WNK1: variants seen among roughly 807,000 people sequenced by gnomAD.
WNK1 encodes WNK lysine deficient protein kinase 1.
In WNK1, 38 loss-of-function variants were observed where a neutral mutation model predicts 222.8. That is an observed-to-expected ratio of 0.17 (90% confidence interval 0.13 to 0.22). The LOEUF (loss-of-function observed/expected upper bound fraction) is 0.22, where lower values mean the gene tolerates loss of function less well. WNK1 is among the 10% of genes least tolerant of loss of function. WNK1 has a pLI of 1.00. For missense variants in WNK1, 2,348 were observed against 2,918.4 expected (o/e 0.80, Z 4.50); for synonymous variants, 1,090 against 1,092.9 (o/e 1.00, Z 0.05).
intron 1 of WNK1, among the ~76,000 whole-genome samples, chr12:786,103 A>G (rs1944279638): frequency 1.3e-5 from 2 of 149,798 alleles, no homozygotes; most frequent in East Asian, 1.9e-4. Context: ...TTGAAGTTCT[A>G]TGTTTATTTG....
rs1949674293 is a variant in WNK1 at position 842,136 on chromosome 12, T to G, written c.1311+11976T>G. ...AAAGTAATGTCAAATATAGTCAAAATCAGACATTATGTATATTTGGGAGAG... is the reference window on the plus strand; with the variant it reads ...AAAGTAATGTCAAATATAGTCAAAAGCAGACATTATGTATATTTGGGAGAG... On this transcript the variant is annotated intron_variant, in intron 4 of 27. Transcript: ENST00000315939. 2.0e-5 allele frequency among the ~76,000 whole-genome samples: 3 copies of G among 152,284 alleles called. No homozygotes were observed. The South Asian group carries it at 6.2e-4, about 32-fold the overall frequency.
At chr12:868,383 A>G in intron 8 of WNK1, 2 of 1,613,960 alleles carry the variant, frequency 1.2e-6, no homozygotes, top group Non-Finnish European at 1.7e-6. Context: ...CCTGAACAGA[A>G]GCCAGTACAA....
chr12:808,793 C>T lies in WNK1; in HGVS notation c.760-4849C>T, dbSNP rs1156875515. The stretch of plus-strand genomic sequence containing the variant: ...TTTTTTTTTTTTTGAGAAGGAGTTC[C>T]ACTCTTGTTGCCTAGGCTGGAATGC... On this transcript the variant is annotated intron_variant, in intron 1 of 27. Coordinates refer to ENST00000315939, the MANE Select transcript of WNK1 (RefSeq NM_018979.4). Among the ~76,000 whole-genome samples, 5 of 146,248 alleles carry T rather than the reference C, an allele frequency of 3.4e-5. No homozygotes were observed. In the East Asian group the frequency reaches 1.0e-3, roughly 30 times the overall value.
At chr12:782,822 A>G (rs887368171) in intron 1 of WNK1, among the ~76,000 whole-genome samples, 1 of 151,798 alleles carries the variant, frequency 6.6e-6, no homozygotes, top group Admixed American at 6.6e-5. Context: ...ATTTTCTAGT[A>G]GCCACATTTA....
intron 1 of WNK1, among the ~76,000 whole-genome samples, chr12:797,967 T>C (rs904567383): frequency 2.9e-5 from 4 of 136,404 alleles, no homozygotes; most frequent in Non-Finnish European, 6.3e-5. Context: ...AAAAAAAAAA[T>C]CACTGTCTAA....
intron 1 of WNK1, among the ~76,000 whole-genome samples, chr12:779,946 C>G (rs1480605931): frequency 1.3e-5 from 2 of 152,170 alleles, no homozygotes; most frequent in East Asian, 3.9e-4. Context: ...CTCTGCCATT[C>G]CCAATGTTAA....
intron 10 of WNK1, 54 bp from the exon 11 acceptor site, chr12:879,513 CTTTTTT>C: frequency 5.7e-4 from 231 of 402,572 alleles, no homozygotes; most frequent in East Asian, 1.0e-3. Context: ...GGCAGCCTTG[CTTTTTT>C]TTTTTTTTTT....
At chr12:824,203 C>G (rs2154023931) in intron 2 of WNK1, among the ~76,000 whole-genome samples, 1 of 149,936 alleles carries the variant, frequency 6.7e-6, no homozygotes, top group Admixed American at 6.6e-5. Flanking sequence ...GCCACTGCAC[C>G]TGGCAGAGAC....
chr12:885,033 C>G lies in WNK1; in HGVS notation c.4229C>G (p.Ser1410Cys), dbSNP rs750039108. ...IPPVSESPVLSSVVSSITIPA... is the reference protein window; with the variant it reads ...IPPVSESPVLCSVVSSITIPA... ...CCTGTGTCTGAATCACCAGTACTTT[C>G]CAGCGTAGTTTCAAGTATCACAATA... is the stretch of plus-strand genomic sequence containing the variant. The change falls in exon 19 of 28, where the codon TCC becomes TGC. Residue 1410 changes from serine to cysteine, a missense_variant. Physicochemically the swap from Ser to Cys is moderately radical, Grantham distance 112. Coordinates refer to ENST00000315939, the MANE Select transcript of WNK1 (RefSeq NM_018979.4). 2 of 1,614,066 alleles carry G rather than the reference C, an allele frequency of 1.2e-6. No homozygotes were observed. The highest frequency in any genetic ancestry group is 2.7e-5 in the African/African-American group (2 of 74,910).
At chr12:846,271 C>G (rs548424077) in intron 4 of WNK1, among the ~76,000 whole-genome samples, 1 of 152,268 alleles carries the variant, frequency 6.6e-6, no homozygotes, top group Non-Finnish European at 1.5e-5. Flanking sequence ...GTAGTCTTGA[C>G]CCAGTTGTCA....
At chr12:866,850 T>C (rs1029822666) in intron 8 of WNK1, among the ~76,000 whole-genome samples, 6 of 152,094 alleles carry the variant, frequency 3.9e-5, no homozygotes, top group Non-Finnish European at 8.8e-5. Context: ...ACGGCCGGGC[T>C]CAGTGGCTCA....
At chr12:769,431 A>C (rs1207537064) in intron 1 of WNK1, among the ~76,000 whole-genome samples, 2 of 152,024 alleles carry the variant, frequency 1.3e-5, no homozygotes, top group Admixed American at 6.6e-5. Context: ...CTCCTGACTG[A>C]CCTCAAGTGA....
intron 8 of WNK1, chr12:865,024 CA>C: frequency 7.1e-7 from 1 of 1,404,512 alleles, no homozygotes; most frequent in South Asian, 1.6e-5. Flanking sequence ...TTTCTTCATG[CA>C]ACTATGCCCT....
At chr12:813,838 G>C (rs1206428733) in intron 2 of WNK1, 24 bp downstream of exon 2, 6 of 1,612,006 alleles carry the variant, frequency 3.7e-6, no homozygotes, top group Non-Finnish European at 5.1e-6. Flanking sequence ...TATTACAAAA[G>C]CTGACCAAGA....
chr12:887,419 C>A, intron 20 of WNK1, 115 bp downstream of exon 20: 1 of 957,412 alleles, frequency 1.0e-6, no homozygotes, highest in Non-Finnish European at 1.7e-6. Flanking sequence ...CTTAGTAACA[C>A]CTTTCTTTTA....
At position 908,171 on chromosome 12, in the gene WNK1, CCCCAGGTA is replaced by C. The variant is rs1955860605; in HGVS notation, c.6831+141_6831+148del. The C allele has an allele frequency of 4.4e-6, 5 of 1,123,788 alleles. No individual in the cohort carries two copies. In the East Asian group the frequency reaches 1.3e-4, roughly 29 times the overall value. 69.6% of individuals were successfully genotyped at this position (1,123,788 alleles called of 1,614,324 possible). A position where few individuals can be genotyped will look rare whatever the true frequency, so the allele number is the denominator to read the frequency against. ...ACTTTAGAAAAACAAGGCAAAAATC[CCCCAGGTA>C]CCCTTTTATTTTTCCTTCCCTGAAT... On this transcript the variant is annotated intron_variant, in intron 27 of 27. Coordinates refer to ENST00000315939, the MANE Select transcript of WNK1 (RefSeq NM_018979.4).
intron 21 of WNK1, among the ~76,000 whole-genome samples, chr12:889,557 G>T (rs1222839487): frequency 3.9e-5 from 6 of 152,134 alleles, no homozygotes; most frequent in Non-Finnish European, 5.9e-5. Context: ...AGTGGCTCAC[G>T]CCTGTAATCC....
At position 754,134 on chromosome 12, in the gene WNK1, C is replaced by T; in HGVS notation, c.569C>T (p.Ala190Val). The change falls in exon 1 of 28, where the codon GCC becomes GTC. Residue 190 changes from alanine (A) to valine (V), a missense_variant. Coordinates refer to ENST00000315939, the MANE Select transcript of WNK1 (RefSeq NM_018979.4). ...AGAAGTGGCAGCGGCGGCGGCAGCGCCAAGGAGCCACAGGAGGAACGGAGC... is the reference window on the plus strand; with the variant it reads ...AGAAGTGGCAGCGGCGGCGGCAGCGTCAAGGAGCCACAGGAGGAACGGAGC... The part of the protein sequence containing the change: ...PARSGSGGGS[A>V]KEPQEERSQQ... The T allele has an allele frequency of 6.2e-7, 1 of 1,612,194 alleles. No individual in the cohort carries two copies. Among genetic ancestry groups the T allele is most frequent in the Non-Finnish European group, 8.5e-7 (1 of 1,179,900 alleles).
At chr12:819,871 C>T (rs181565161) in intron 2 of WNK1, among the ~76,000 whole-genome samples, 1 of 152,256 alleles carries the variant, frequency 6.6e-6, no homozygotes, top group Non-Finnish European at 1.5e-5. Flanking sequence ...ATTATTTAAT[C>T]ATATGTATAG....
Sources: gnomAD v4.1 joint callset for allele counts (sites outside exome capture counted in the v4.1 genomes callset) on GRCh38, gnomAD v4.1.1 for gene constraint, MANE v1.5 for transcripts, NCBI Gene and HGNC (gene_info 2026-07-23, HGNC 2026-07-21) for gene names.